CDKL5: variants seen among roughly 807,000 people sequenced by gnomAD.
CDKL5 encodes the protein cyclin-dependent kinase-like 5.
A neutral mutation model predicts 61.7 loss-of-function variants in CDKL5; 8 were observed. That is an observed-to-expected ratio of 0.13 (90% CI 0.08 to 0.23). The LOEUF (loss-of-function observed/expected upper bound fraction) is 0.23. CDKL5 is among the 10% of genes least tolerant of loss of function. The pLI is 1.00. For synonymous variants in CDKL5, 275 were observed against 272.3 expected (o/e 1.01, Z -0.10); for missense variants, 440 against 734.5 (o/e 0.60, Z 4.63).
intron 9 of CDKL5, chrX:18,589,609 A>G (rs1176693522): frequency 8.9e-6 from 1 of 111,747 alleles, no homozygotes; most frequent in Non-Finnish European, 1.9e-5. Flanking sequence ...ATATGTGTGC[A>G]TGTGTCTTTA....
chrX:18,452,464 C>T (rs1454103007), intron 1 of CDKL5, among the ~76,000 whole-genome samples: 1 of 110,608 alleles, frequency 9.0e-6, no homozygotes, highest in East Asian at 2.8e-4. Flanking sequence ...CTTACTCTGT[C>T]ACCCAGGCTG....
intron 1 of CDKL5, among the ~76,000 whole-genome samples, chrX:18,455,060 G>T (rs1381721529): frequency 4.5e-5 from 5 of 110,247 alleles, no homozygotes; most frequent in Non-Finnish European, 7.6e-5. Flanking sequence ...GTATGTCTAG[G>T]ATCTTTCTCA....
At chrX:18,616,011 A>T (rs1926702597) in intron 15 of CDKL5, among the ~76,000 whole-genome samples, 1 of 111,692 alleles carries the variant, frequency 9.0e-6, no homozygotes, top group African/African-American at 3.3e-5. Flanking sequence ...AATCATCTTT[A>T]CTAATAGGAT....
At chrX:18,643,646 G>A (rs1451849397), downstream of CDKL5, among the ~76,000 whole-genome samples, 5 of 111,846 alleles carry the variant, frequency 4.5e-5, no homozygotes, top group African/African-American at 1.6e-4. Flanking sequence ...AACAACCCAT[G>A]AACGTCTTGG....
chrX:18,473,111 A>T (rs1281924365), intron 1 of CDKL5, among the ~76,000 whole-genome samples: 1 of 108,853 alleles, frequency 9.2e-6, no homozygotes, highest in Non-Finnish European at 1.9e-5. Flanking sequence ...ACATGCCACC[A>T]CGCCTGGCTA....
chrX:18,503,632 T>C (rs1922466103), intron 1 of CDKL5, among the ~76,000 whole-genome samples: 1 of 113,009 alleles, frequency 8.8e-6, no homozygotes, highest in South Asian at 3.6e-4. Context: ...GAATTTTCTA[T>C]GAGGTAATAT....
intron 1 of CDKL5, among the ~76,000 whole-genome samples, chrX:18,428,462 C>T (rs959769728): frequency 2.7e-5 from 3 of 111,950 alleles, no homozygotes; most frequent in African/African-American, 9.7e-5. Flanking sequence ...TTTATTTCCT[C>T]TAGATATTAG....
rs1366500596 is a variant in CDKL5 at position 18,647,172 on chromosome X, A to T, written c.2797+1082A>T. On this transcript the variant is annotated intron_variant, in intron 20 of 21. Coordinates refer to the CDKL5 transcript ENST00000379989. Reference sequence around the variant, plus strand: ...TTTTTTTAAAAGCACATGAAAAAAAATCCCCGGGCCCTGCTTACCCAAAGC... The same window carrying T: ...TTTTTTTAAAAGCACATGAAAAAAATTCCCCGGGCCCTGCTTACCCAAAGC... The T allele has an allele frequency of 1.9e-5, 23 of 1,206,599 alleles. No individual in the cohort carries two copies. Among genetic ancestry groups the T allele is most frequent in the Middle Eastern group, 2.4e-4 (1 of 4,104 alleles).
At chrX:18,450,614 G>T (rs1010221539) in intron 1 of CDKL5, among the ~76,000 whole-genome samples, 2 of 110,462 alleles carry the variant, frequency 1.8e-5, no homozygotes, top group South Asian at 7.6e-4. Context: ...TGCTCTTGTT[G>T]CCCAGGCTGG....
intron 3 of CDKL5, among the ~76,000 whole-genome samples, chrX:18,531,211 C>G (rs1011859758): frequency 1.8e-5 from 2 of 112,160 alleles, no homozygotes; most frequent in African/African-American, 6.5e-5. Context: ...GGTAAATTTT[C>G]TCTTGGACTG....
rs368320902 is a variant in CDKL5 at position 18,510,771 on chromosome X, T to G, written c.65-49T>G. The stretch of plus-strand genomic sequence containing the variant: ...AGAAGCAATGTCAGTATAGCAGAGC[T>G]TTGTAGTTTGTATGCGTGCCCTTGA... On this transcript the variant is annotated intron_variant, in intron 2 of 17. Transcript: ENST00000623535. 6 of 1,043,120 alleles carry G rather than the reference T, an allele frequency of 5.8e-6. No homozygotes were observed. The African/African-American group carries it at 1.1e-4, about 19-fold the overall frequency. The allele number at this position is 1,043,120 out of a possible 1,213,427, so 86.0% of individuals were successfully genotyped here.
intron 1 of CDKL5, among the ~76,000 whole-genome samples, chrX:18,501,699 C>T (rs1293614045): frequency 9.1e-6 from 1 of 110,215 alleles, no homozygotes; most frequent in Non-Finnish European, 1.9e-5. Flanking sequence ...CAGGCGCGCA[C>T]CACCATACCC....
intron 3 of CDKL5, among the ~76,000 whole-genome samples, chrX:18,554,975 A>G (rs1274812402): frequency 9.0e-6 from 1 of 111,450 alleles, no homozygotes; most frequent in Non-Finnish European, 1.9e-5. Context: ...GTTCTGGGGT[A>G]CATGTGCATA....
At chrX:18,426,279 C>T (rs1931365988) in intron 1 of CDKL5, 1 of 113,114 alleles carries the variant, frequency 8.8e-6, no homozygotes, top group Admixed American at 9.2e-5. Context: ...TCAGGCGATG[C>T]TGTGAAGTTC....
intron 14 of CDKL5, among the ~76,000 whole-genome samples, chrX:18,611,383 CA>C (rs1430433476): frequency 2.0e-5 from 2 of 101,070 alleles, no homozygotes. Context: ...TGCAGTGAGC[CA>C]AAACCGCGCC....
intron 5 of CDKL5, among the ~76,000 whole-genome samples, chrX:18,577,069 A>G (rs1747577674): frequency 9.0e-6 from 1 of 110,706 alleles, no homozygotes. Flanking sequence ...GCTGCTTTTT[A>G]TTTTTTCATT....
chrX:18,482,101 G>A (rs1221289893), intron 1 of CDKL5, among the ~76,000 whole-genome samples: 2 of 111,287 alleles, frequency 1.8e-5, no homozygotes, highest in African/African-American at 6.5e-5. Context: ...TGCTGCGTTT[G>A]CCCCATGTCC....
chrX:18,448,879 G>A (rs779787504), intron 1 of CDKL5, among the ~76,000 whole-genome samples: 23 of 111,412 alleles, frequency 2.1e-4, no homozygotes, highest in African/African-American at 7.2e-4. Flanking sequence ...TTTTTGAGAC[G>A]AAGTCTCACT....
exon 22 of CDKL5, chrX:18,653,626 T>C (rs905259642): frequency 3.6e-6 from 4 of 1,106,630 alleles, no homozygotes; most frequent in Admixed American, 2.5e-5. Flanking sequence ...GAATCAACCA[T>C]TAACGCTGAG....
Sources: gnomAD v4.1 joint callset for allele counts (sites outside exome capture counted in the v4.1 genomes callset) on GRCh38, gnomAD v4.1.1 for gene constraint, MANE v1.5 for transcripts, NCBI Gene and HGNC (gene_info 2026-07-23, HGNC 2026-07-21) for gene names.